ROBO1: variants seen among roughly 807,000 people sequenced by gnomAD.
ROBO1 encodes roundabout homolog 1.
Under a neutral mutation model 195.9 loss-of-function variants are expected in ROBO1, and 149 were observed. The ratio of observed to expected loss-of-function variants is 0.76; its 90% CI spans 0.67 to 0.87. The LOEUF is 0.87. Ranked by LOEUF, ROBO1 falls within the 40% of genes least tolerant of loss-of-function variation. ROBO1 has a pLI of 0.00. For missense variants in ROBO1, 1,933 were observed against 2,068.3 expected (o/e 0.93, Z 1.27); for synonymous variants, 816 against 733.2 (o/e 1.11, Z -1.82).
intron 2 of ROBO1, among the ~76,000 whole-genome samples, chr3:79,348,694 A>G (rs1356244384): frequency 6.6e-6 from 1 of 152,206 alleles, no homozygotes; most frequent in African/African-American, 2.4e-5. Context: ...GATGCTGCAT[A>G]GAACACTTTT....
At chr3:79,751,203 A>G (rs1704115809) in intron 1 of ROBO1, among the ~76,000 whole-genome samples, 1 of 152,184 alleles carries the variant, frequency 6.6e-6, no homozygotes, top group East Asian at 1.9e-4. Context: ...ATATCTCAAT[A>G]CACAAGGATA....
At chr3:79,358,466 C>T (rs1009078511) in intron 2 of ROBO1, among the ~76,000 whole-genome samples, 1 of 152,030 alleles carries the variant, frequency 6.6e-6, no homozygotes, top group Non-Finnish European at 1.5e-5. Context: ...TCCAGCACAG[C>T]AGCAGTTAGA....
chr3:79,490,656 T>C (rs1470980104), intron 2 of ROBO1, among the ~76,000 whole-genome samples: 1 of 152,204 alleles, frequency 6.6e-6, no homozygotes, highest in African/African-American at 2.4e-5. Context: ...TTGGCAGGCC[T>C]CCCAGGAGAA....
At chr3:79,547,789 C>G (rs1200672259) in intron 2 of ROBO1, among the ~76,000 whole-genome samples, 2 of 152,108 alleles carry the variant, frequency 1.3e-5, no homozygotes, top group Non-Finnish European at 2.9e-5. Context: ...AGAAATTTAT[C>G]TCTTTGTTTT....
intron 1 of ROBO1, among the ~76,000 whole-genome samples, chr3:79,604,781 A>G (rs890838440): frequency 2.6e-5 from 4 of 151,894 alleles, no homozygotes; most frequent in Non-Finnish European, 5.9e-5. Context: ...CAATACAAAG[A>G]GTTATTTTTT....
At chr3:78,836,297 G>A (rs2106677189) in intron 4 of ROBO1, among the ~76,000 whole-genome samples, 2 of 152,056 alleles carry the variant, frequency 1.3e-5, no homozygotes, top group South Asian at 4.2e-4. Flanking sequence ...CGGATCACGA[G>A]GTCAGGAGAT....
intron 2 of ROBO1, among the ~76,000 whole-genome samples, chr3:79,435,100 T>C (rs937487424): frequency 6.6e-6 from 1 of 151,924 alleles, no homozygotes; most frequent in African/African-American, 2.4e-5. Flanking sequence ...CATTAGGAAA[T>C]ATACCTAATA....
At chr3:79,085,823 C>G (rs1351451226) in intron 3 of ROBO1, among the ~76,000 whole-genome samples, 1 of 152,106 alleles carries the variant, frequency 6.6e-6, no homozygotes, top group South Asian at 2.1e-4. Flanking sequence ...CTCCTGTAGT[C>G]TAGCCTCAGG....
At chr3:79,174,690 C>T (rs1020270059) in intron 2 of ROBO1, among the ~76,000 whole-genome samples, 2 of 148,770 alleles carry the variant, frequency 1.3e-5, no homozygotes, top group Non-Finnish European at 2.9e-5. Context: ...ACTGAAACCC[C>T]GTCTCTACTA....
intron 2 of ROBO1, among the ~76,000 whole-genome samples, chr3:79,445,219 A>T (rs1187072624): frequency 6.6e-6 from 1 of 151,826 alleles, no homozygotes; most frequent in Non-Finnish European, 1.5e-5. Context: ...CATAAGATAC[A>T]TATTTGCGTA....
intron 2 of ROBO1, among the ~76,000 whole-genome samples, chr3:79,375,182 G>GGA (rs1469901818): frequency 6.6e-6 from 1 of 152,108 alleles, no homozygotes; most frequent in Non-Finnish European, 1.5e-5. Context: ...CCTCTTATTT[G>GGA]GAGATTCATA....
At chr3:78,681,962 T>C (rs1042096226) in intron 10 of ROBO1, among the ~76,000 whole-genome samples, 1 of 152,162 alleles carries the variant, frequency 6.6e-6, no homozygotes, top group Non-Finnish European at 1.5e-5. Flanking sequence ...TATTCAGAGC[T>C]GAACCTGCAG....
At chr3:79,402,573 T>G (rs1441988864) in intron 2 of ROBO1, among the ~76,000 whole-genome samples, 1 of 151,972 alleles carries the variant, frequency 6.6e-6, no homozygotes, top group Non-Finnish European at 1.5e-5. Context: ...TCACTCTTTA[T>G]GGACACTGGG....
At chr3:78,892,620 G>T (rs575137353) in intron 4 of ROBO1, among the ~76,000 whole-genome samples, 37 of 152,254 alleles carry the variant, frequency 2.4e-4, no homozygotes, top group African/African-American at 8.9e-4. Flanking sequence ...ACCATTCAGA[G>T]TTCCAAATGA....
intron 1 of ROBO1, among the ~76,000 whole-genome samples, chr3:79,684,602 A>T (rs1947044991): frequency 6.6e-6 from 1 of 151,922 alleles, no homozygotes; most frequent in African/African-American, 2.4e-5. Flanking sequence ...TGGGTCATAC[A>T]TTTTTTATTT....
chr3:78,603,467 C>G (rs2107255142), intron 29 of ROBO1, among the ~76,000 whole-genome samples: 1 of 152,228 alleles, frequency 6.6e-6, no homozygotes, highest in East Asian at 1.9e-4. Context: ...CCCTCTCTCC[C>G]TGACTACAAG....
intron 8 of ROBO1, among the ~76,000 whole-genome samples, chr3:78,690,795 CACTT>C (rs2081155979): frequency 6.6e-6 from 1 of 152,178 alleles, no homozygotes; most frequent in South Asian, 2.1e-4. Flanking sequence ...ATGTTCAAAC[CACTT>C]ACTTAAGTAA....
chr3:79,294,001 T>G (rs1276636516), intron 2 of ROBO1, among the ~76,000 whole-genome samples: 2 of 123,662 alleles, frequency 1.6e-5, no homozygotes, highest in African/African-American at 6.5e-5. Context: ...GAGCTTGCAG[T>G]GAGCCGAGAT....
chr3:78,719,852 T>C (rs780727175), intron 5 of ROBO1, among the ~76,000 whole-genome samples: 24 of 152,206 alleles, frequency 1.6e-4, no homozygotes, highest in Non-Finnish European at 3.2e-4. Context: ...ATATGTGCAG[T>C]TATTTCCTTG....
Sources: gnomAD v4.1 joint callset for allele counts (sites outside exome capture counted in the v4.1 genomes callset) on GRCh38, gnomAD v4.1.1 for gene constraint, MANE v1.5 for transcripts, NCBI Gene and HGNC (gene_info 2026-07-23, HGNC 2026-07-21) for gene names.